SIRT2: variants seen among roughly 807,000 people sequenced by gnomAD.
The protein encoded by SIRT2 is NAD-dependent protein deacetylase sirtuin-2.
SIRT2 carries 40 observed loss-of-function variants against 57.4 expected under a neutral mutation model. The ratio of observed to expected loss-of-function variants is 0.70; its 90% CI spans 0.54 to 0.91. The LOEUF (loss-of-function observed/expected upper bound fraction) is 0.91, where lower values mean the gene tolerates loss of function less well. Among genes scored for constraint, SIRT2 ranks in the 40% least tolerant of loss-of-function variants. The pLI, the probability that SIRT2 is intolerant of heterozygous loss-of-function variation, is 0.00. For synonymous variants in SIRT2, 161 were observed against 195.7 expected (o/e 0.82, Z 1.48); for missense variants, 439 against 510.4 (o/e 0.86, Z 1.35).
At chr19:38,879,944 A>T in intron 13 of SIRT2, 1 of 495,732 alleles carries the variant, frequency 2.0e-6, no homozygotes. Context: ...TCCCGCCTCA[A>T]CCTCCCGAGT....
intron 2 of SIRT2, among the ~76,000 whole-genome samples, chr19:38,894,589 C>T (rs1353559451): frequency 6.6e-6 from 1 of 152,108 alleles, no homozygotes; most frequent in East Asian, 1.9e-4. Flanking sequence ...TGTCCCTTCC[C>T]AGCAGCCCTG....
In SIRT2 at chr19:38,890,081, C is replaced by T. The variant is rs57420699; in HGVS notation, c.268+22G>A. On this transcript the variant is annotated intron_variant, in intron 5 of 15. Transcript: ENST00000249396. ...ACTCCCCAGTTCCTGGGGGTAGCTGCTGGGGGAGAAGGGTTACTTACATGT... is the reference window on the plus strand; with the variant it reads ...ACTCCCCAGTTCCTGGGGGTAGCTGTTGGGGGAGAAGGGTTACTTACATGT... 6.8e-6 allele frequency: 11 copies of T among 1,614,142 alleles called. No homozygotes were observed. The East Asian group carries it at 2.5e-4, about 36-fold the overall frequency.
intron 3 of SIRT2, 75 bp from the exon 4 acceptor site, chr19:38,893,602 C>T: frequency 7.9e-7 from 1 of 1,269,588 alleles, no homozygotes. Context: ...CACCCTGGCC[C>T]CAGCCCTGGG....
chr19:38,888,385 C>A (rs1402237903), intron 8 of SIRT2, among the ~76,000 whole-genome samples: 1 of 151,878 alleles, frequency 6.6e-6, no homozygotes, highest in South Asian at 2.1e-4. Flanking sequence ...GTTGCCCAGG[C>A]GGGTCCCAAA....
In SIRT2 at chr19:38,898,440, C is replaced by A; in HGVS notation, c.17-15G>T. ...AGGGTGAGAGGCTGGGGGAGGGGAG[C>A]AGAGGTGGTTACAGTGGGGAGAACG... is the stretch of plus-strand genomic sequence containing the variant. On this transcript the variant is annotated splice_polypyrimidine_tract_variant and intron_variant, in intron 1 of 15. Transcript: ENST00000249396. 6.6e-7 allele frequency: 1 copy of A among 1,507,986 alleles called. No individual in the cohort carries two copies. The highest frequency in any genetic ancestry group is 1.3e-5 in the South Asian group (1 of 75,550). 93.4% of individuals were successfully genotyped at this position (1,507,986 alleles called of 1,614,324 possible). A position where few individuals can be genotyped will look rare whatever the true frequency, so the allele number is the denominator to read the frequency against.
chr19:38,896,675 T>C (rs1414892922), intron 2 of SIRT2, among the ~76,000 whole-genome samples: 1 of 152,226 alleles, frequency 6.6e-6, no homozygotes, highest in Non-Finnish European at 1.5e-5. Flanking sequence ...GGACTGAGGA[T>C]CCTTTTTAAC....
At chr19:38,890,224 A>G (rs1050123957) in intron 4 of SIRT2, 80 bp from the exon 5 acceptor site, 1 of 1,449,740 alleles carries the variant, frequency 6.9e-7, no homozygotes, top group Non-Finnish European at 9.7e-7. Flanking sequence ...AGCCCCTGAC[A>G]TCGTTTACTC....
In SIRT2 at chr19:38,893,885, G is replaced by C. The variant is rs1973630472; in HGVS notation, c.64-18C>G. ...TCTGAGTCCTGGAAGGGGTGGGGTG[G>C]AGTGGCCAGGCCCGAGAGGTGGGAT... On this transcript the variant is annotated intron_variant, in intron 2 of 15. Coordinates refer to ENST00000249396, the MANE Select transcript of SIRT2 (RefSeq NM_012237.4). 6.2e-7 allele frequency: 1 copy of C among 1,613,922 alleles called. No individual in the cohort carries two copies. Among genetic ancestry groups the C allele is most frequent in the Non-Finnish European group, 8.5e-7 (1 of 1,179,974 alleles).
At chr19:38,886,057 T>G (rs151283951) in intron 8 of SIRT2, among the ~76,000 whole-genome samples, 1,757 of 152,276 alleles carry the variant, frequency 0.012, 35 homozygotes, top group African/African-American at 0.04. Flanking sequence ...CAGAGGACAC[T>G]GGCAGAGGTT....
intron 8 of SIRT2, 115 bp from the exon 9 acceptor site, chr19:38,883,871 AGAAG>A: frequency 8.9e-7 from 1 of 1,127,542 alleles, no homozygotes; most frequent in South Asian, 1.4e-5. Flanking sequence ...GGACAGGTGG[AGAAG>A]GGAGGGAGGA....
intron 2 of SIRT2, 37 bp from the exon 3 acceptor site, chr19:38,893,904 G>T: frequency 6.2e-7 from 1 of 1,613,378 alleles, no homozygotes; most frequent in Non-Finnish European, 8.5e-7. Context: ...GGCCCGAGAG[G>T]TGGGATTAGG....
chr19:38,885,576 G>A (rs919217634), intron 8 of SIRT2, among the ~76,000 whole-genome samples: 2 of 148,342 alleles, frequency 1.3e-5, no homozygotes, highest in Non-Finnish European at 3.0e-5. Context: ...ACAGGCACCC[G>A]CCACCATGCG....
At chr19:38,890,291 G>A (rs1407913271) in intron 4 of SIRT2, 147 bp from the exon 5 acceptor site, 2 of 729,464 alleles carry the variant, frequency 2.7e-6, no homozygotes, top group Non-Finnish European at 4.7e-6. Flanking sequence ...CAATCATCTA[G>A]ACGGGGATGG....
intron 9 of SIRT2, among the ~76,000 whole-genome samples, chr19:38,882,549 T>C (rs1276427188): frequency 6.6e-6 from 1 of 151,760 alleles, no homozygotes; most frequent in Non-Finnish European, 1.5e-5. Flanking sequence ...GCAGGGAGAA[T>C]TGCTTGAACC....
intron 4 of SIRT2, 44 bp downstream of exon 4, chr19:38,893,370 G>T: frequency 8.0e-7 from 1 of 1,242,894 alleles, no homozygotes; most frequent in Non-Finnish European, 1.2e-6. Flanking sequence ...GTCACTTGGG[G>T]CCAGGAGCCA....
chr19:38,895,198 G>C (rs1973679377), intron 2 of SIRT2, among the ~76,000 whole-genome samples: 2 of 151,716 alleles, frequency 1.3e-5, no homozygotes, highest in African/African-American at 4.8e-5. Flanking sequence ...CTCCTCCGGG[G>C]GTCCTGCCCC....
At chr19:38,883,870 G>C in intron 8 of SIRT2, 114 bp from the exon 9 acceptor site, 1 of 1,124,214 alleles carries the variant, frequency 8.9e-7, no homozygotes, top group South Asian at 1.4e-5. Context: ...GGGACAGGTG[G>C]AGAAGGGAGG....
chr19:38,881,436 C>A lies in SIRT2; in HGVS notation c.687G>T (p.Lys229Asn). 6.2e-7 allele frequency: 1 copy of A among 1,614,058 alleles called. No individual in the cohort carries two copies. ...PKCEDCQSLV[K>N]PDIVFFGESL... ...GGTCCCTGGCCAGAGGCTCACCAGG[C>A]TTCACCAGGCTCTGACAGTCTTCAC... Residue 229 changes from lysine to asparagine, a missense_variant, in exon 10 of 16, where the codon AAG (lysine) becomes AAT (asparagine). By Grantham distance (94) the Lys-to-Asn change is moderately conservative (BLOSUM62 0). Coordinates refer to ENST00000249396, the MANE Select transcript of SIRT2 (RefSeq NM_012237.4).
rs201674443 is a variant in SIRT2, at chr19:38,889,841, G to C, written c.375+14C>G. The stretch of plus-strand genomic sequence containing the variant: ...CCACCCCTCACAGACGCCCCTTCCT[G>C]GGGGAGCACAAACCTTGAAATAGCT... On this transcript the variant is annotated intron_variant, in intron 6 of 15. Transcript: ENST00000249396. 3 of 1,613,086 alleles carry C rather than the reference G, an allele frequency of 1.9e-6. No individual in the cohort carries two copies. The highest frequency in any genetic ancestry group is 8.5e-7 in the Non-Finnish European group (1 of 1,179,192).
Sources: allele counts gnomAD v4.1 joint callset (sites outside exome capture counted in the v4.1 genomes callset), GRCh38; gene constraint gnomAD v4.1.1; transcripts MANE v1.5; gene names NCBI Gene and HGNC (gene_info 2026-07-23, HGNC 2026-07-21).